The following APPL1 variants were observed in gnomAD, a reference collection of about 807,000 sequenced individuals.
The protein encoded by APPL1 is DCC-interacting protein 13-alpha.
Under a neutral mutation model 106.8 loss-of-function variants are expected in APPL1, and 42 were observed. The observed-to-expected ratio is 0.39, with a 90% CI of 0.31 to 0.51. The LOEUF (loss-of-function observed/expected upper bound fraction) is 0.51, where lower values mean the gene tolerates loss of function less well. Among genes scored for constraint, APPL1 ranks in the 20% least tolerant of loss-of-function variants. The pLI, the probability that APPL1 is intolerant of heterozygous loss-of-function variation, is 0.75. For synonymous variants in APPL1, 263 were observed against 281.8 expected, an observed-to-expected ratio of 0.93 and a Z score of 0.67; for missense variants, 769 against 858.2, an observed-to-expected ratio of 0.90 and a Z score of 1.30.
At chr3:57,247,529 G>A (rs755428900) in intron 9 of APPL1, 52 bp downstream of exon 9, 12 of 1,110,488 alleles carry the variant, frequency 1.1e-5, no homozygotes, top group Non-Finnish European at 1.6e-5. Context: ...AATGATAACA[G>A]CTCAATGACA....
intron 15 of APPL1, 53 bp downstream of exon 15, chr3:57,257,481 C>A: frequency 7.1e-7 from 1 of 1,406,580 alleles, no homozygotes; most frequent in Non-Finnish European, 9.5e-7. Context: ...GGCTTATAAT[C>A]CCCTGTCTGC....
At chr3:57,236,108 G>A (rs1579381166) in intron 2 of APPL1, among the ~76,000 whole-genome samples, 1 of 145,756 alleles carries the variant, frequency 6.9e-6, no homozygotes, top group African/African-American at 2.5e-5. Context: ...GCAGTAGTGT[G>A]ATCTTGGGTC....
intron 11 of APPL1, among the ~76,000 whole-genome samples, chr3:57,251,479 C>G (rs112184587): frequency 1.3e-5 from 2 of 148,812 alleles, no homozygotes; most frequent in Non-Finnish European, 1.5e-5. Context: ...GAGCCGAGAT[C>G]GCGCCACTGC....
intron 12 of APPL1, among the ~76,000 whole-genome samples, chr3:57,253,127 T>C (rs375600427): frequency 7.9e-5 from 12 of 152,200 alleles, no homozygotes; most frequent in African/African-American, 2.6e-4. Context: ...TCCTCGAGAG[T>C]GAAGCAGAAG....
rs950108565 is a variant in APPL1 at position 57,273,418 on chromosome 3, A to AT, written c.*3737dup. 2.8e-4 allele frequency: 43 copies of AT among 152,598 alleles called. No individual in the cohort carries two copies. The highest frequency in any genetic ancestry group is 9.2e-4 in the Admixed American group (14 of 15,274). The allele number at this position is 152,598 out of a possible 1,614,324, so 9.5% of individuals were successfully genotyped here. A position where few individuals can be genotyped will look rare whatever the true frequency, so the allele number is the denominator to read the frequency against. ...GCTTCAGGAAAAAAGTTGTTAGAAGATTTTTTAATGTATAATAAAGTCCAT... is the reference window on the plus strand; with the variant it reads ...GCTTCAGGAAAAAAGTTGTTAGAAGATTTTTTTAATGTATAATAAAGTCCAT... On this transcript the variant is annotated 3_prime_UTR_variant, in exon 22 of 22. Transcript: ENST00000288266.
At chr3:57,259,102 C>T in intron 16 of APPL1, 22 bp downstream of exon 16, 1 of 1,595,002 alleles carries the variant, frequency 6.3e-7, no homozygotes, top group Non-Finnish European at 8.6e-7. Context: ...GTGCAGCATT[C>T]ATATATTTTA....
chr3:57,240,749 CCT>C (rs1261972927), intron 5 of APPL1, among the ~76,000 whole-genome samples, 197 bp downstream of exon 5: 1 of 152,130 alleles, frequency 6.6e-6, no homozygotes, highest in Non-Finnish European at 1.5e-5. Context: ...TAAGATATCC[CCT>C]CTTTTGAGAA....
chr3:57,267,202 A>G (rs2060899119), intron 19 of APPL1, among the ~76,000 whole-genome samples: 1 of 152,202 alleles, frequency 6.6e-6, no homozygotes, highest in Non-Finnish European at 1.5e-5. Flanking sequence ...TTGTGTAAAT[A>G]AAATTCTTAT....
intron 21 of APPL1, chr3:57,268,995 G>A (rs1368161743): frequency 6.5e-6 from 1 of 153,130 alleles, no homozygotes; most frequent in Non-Finnish European, 1.5e-5. Context: ...ATGGGTTGTA[G>A]ATTGACAGTA....
At chr3:57,242,434 T>C (rs1320543558) in intron 6 of APPL1, among the ~76,000 whole-genome samples, 1 of 151,490 alleles carries the variant, frequency 6.6e-6, no homozygotes, top group East Asian at 1.9e-4. Flanking sequence ...ATGAGTGTTA[T>C]ATATATATAT....
chr3:57,259,138 T>C, intron 16 of APPL1, 58 bp downstream of exon 16: 5 of 1,400,348 alleles, frequency 3.6e-6, no homozygotes, highest in Non-Finnish European at 5.0e-6. Context: ...AAACTGTGAA[T>C]AATTTATTGT....
At chr3:57,262,811 GGGGTGT>G (rs1309920974) in intron 19 of APPL1, among the ~76,000 whole-genome samples, 2 of 112,338 alleles carry the variant, frequency 1.8e-5, no homozygotes, top group East Asian at 2.8e-4. Flanking sequence ...GTGGGTACAA[GGGGTGT>G]GTGTGTGTGT....
At chr3:57,237,455 T>C (rs2060722436) in intron 2 of APPL1, 37 bp from the exon 3 acceptor site, 4 of 1,507,620 alleles carry the variant, frequency 2.7e-6, no homozygotes, top group South Asian at 1.3e-5. Context: ...AAAACTTTTT[T>C]CCCAGTAATA....
chr3:57,249,346 C>T lies in APPL1; in HGVS notation c.864-14C>T, dbSNP rs763551243. On this transcript the variant is annotated splice_polypyrimidine_tract_variant and intron_variant, in intron 10 of 21. Transcript: ENST00000288266. ...ATGTTGTTATTAAAGAGTGAATGTG[C>T]TTTCTTCATTCAGTAAAACAGGCTT... 6.2e-6 allele frequency: 10 copies of T among 1,613,056 alleles called. No individual in the cohort carries two copies. The Admixed American group carries it at 1.0e-4, about 16-fold the overall frequency.
At chr3:57,267,855 G>A in intron 20 of APPL1, 63 bp downstream of exon 20, 2 of 1,548,358 alleles carry the variant, frequency 1.3e-6, no homozygotes, top group Non-Finnish European at 1.8e-6. Context: ...ACATTGGGAG[G>A]CCGAGGCGGG....
chr3:57,246,316 T>C, intron 8 of APPL1, 94 bp downstream of exon 8: 1 of 907,214 alleles, frequency 1.1e-6, no homozygotes, highest in East Asian at 3.1e-5. Context: ...ATAAACTATT[T>C]TCAACATCCT....
intron 1 of APPL1, among the ~76,000 whole-genome samples, chr3:57,235,073 A>G (rs2060709321): frequency 6.6e-6 from 1 of 152,220 alleles, no homozygotes; most frequent in African/African-American, 2.4e-5. Flanking sequence ...GTGCATTCGG[A>G]AAAACCTAGT....
chr3:57,266,496 T>A (rs2060895192), intron 19 of APPL1, among the ~76,000 whole-genome samples: 1 of 152,216 alleles, frequency 6.6e-6, no homozygotes, highest in South Asian at 2.1e-4. Flanking sequence ...TTGCTCATAG[T>A]AGCCACGAAT....
intron 7 of APPL1, among the ~76,000 whole-genome samples, chr3:57,245,547 A>ATTTT (rs749542390): frequency 2.1e-5 from 3 of 143,782 alleles, no homozygotes. Flanking sequence ...TTCAATATGC[A>ATTTT]GTTTTTTTTT....
Sources: allele counts gnomAD v4.1 joint callset (sites outside exome capture counted in the v4.1 genomes callset), GRCh38; gene constraint gnomAD v4.1.1; transcripts MANE v1.5; gene names NCBI Gene and HGNC (gene_info 2026-07-23, HGNC 2026-07-21).